Variants in SCHIP1 observed in about 807,000 individuals in gnomAD.
The protein encoded by SCHIP1 is schwannomin interacting protein 1.
A neutral mutation model predicts 29.7 loss-of-function variants in SCHIP1; 8 were observed. The observed-to-expected ratio is 0.27, with a 90% CI of 0.16 to 0.49. SCHIP1 has a LOEUF of 0.49. Ranked by LOEUF, SCHIP1 falls within the 20% of genes least tolerant of loss-of-function variation. The pLI is 0.99. For synonymous variants in SCHIP1, 76 were observed against 94.9 expected, an observed-to-expected ratio of 0.80 and a Z score of 1.16; for missense variants, 193 against 294.6, an observed-to-expected ratio of 0.66 and a Z score of 2.52.
the SCHIP1 span, among the ~76,000 whole-genome samples, chr3:159,450,382 T>C: frequency 6.6e-6 from 1 of 152,222 alleles, no homozygotes; most frequent in African/African-American, 2.4e-5. Flanking sequence ...GTTACATTGA[T>C]AGAAGACTTT....
chr3:159,309,020 G>A, the SCHIP1 span: 2 of 152,008 alleles, frequency 1.3e-5, no homozygotes, highest in African/African-American at 2.4e-5. Context: ...ATGAGAGGGT[G>A]GCAGGGGGGT....
chr3:159,782,896 A>C, the SCHIP1 span, among the ~76,000 whole-genome samples: 1 of 152,222 alleles, frequency 6.6e-6, no homozygotes, highest in Admixed American at 6.5e-5. Flanking sequence ...ACACACCCAG[A>C]GAGCTCTCCT....
chr3:159,361,511 T>C, the SCHIP1 span, among the ~76,000 whole-genome samples: 3 of 152,208 alleles, frequency 2.0e-5, no homozygotes, highest in African/African-American at 4.8e-5. Flanking sequence ...CAGTAGACCA[T>C]TGTAAAGAAT....
At chr3:159,780,020 G>A in the SCHIP1 span, among the ~76,000 whole-genome samples, 2 of 152,106 alleles carry the variant, frequency 1.3e-5, no homozygotes, top group Admixed American at 6.5e-5. Flanking sequence ...CCCTTCCTAA[G>A]AGCTCCCAGC....
At chr3:159,441,683 T>A in the SCHIP1 span, among the ~76,000 whole-genome samples, 3 of 151,892 alleles carry the variant, frequency 2.0e-5, no homozygotes, top group Non-Finnish European at 4.4e-5. Context: ...AATACAAAAA[T>A]CTGATGAGGA....
chr3:159,505,995 T>A, the SCHIP1 span, among the ~76,000 whole-genome samples: 1 of 152,234 alleles, frequency 6.6e-6, no homozygotes, highest in Non-Finnish European at 1.5e-5. Flanking sequence ...AGTAATGGGA[T>A]GGCTGGGTCA....
chr3:159,467,184 T>C, the SCHIP1 span, among the ~76,000 whole-genome samples: 1 of 152,046 alleles, frequency 6.6e-6, no homozygotes, highest in Non-Finnish European at 1.5e-5. Context: ...CATAAATATC[T>C]TTTCACACCA....
chr3:159,615,545 T>C, the SCHIP1 span, among the ~76,000 whole-genome samples: 16 of 152,156 alleles, frequency 1.1e-4, no homozygotes, highest in Non-Finnish European at 2.2e-4. Context: ...GGCACCTCCC[T>C]CCTCACCTTG....
the SCHIP1 span, among the ~76,000 whole-genome samples, chr3:159,473,088 G>A: frequency 1.3e-5 from 2 of 152,244 alleles, no homozygotes; most frequent in East Asian, 3.9e-4. Flanking sequence ...AAAAAGTACA[G>A]ACTGCCCAGA....
the SCHIP1 span, among the ~76,000 whole-genome samples, chr3:159,517,448 C>T: frequency 6.6e-6 from 1 of 151,932 alleles, no homozygotes; most frequent in Non-Finnish European, 1.5e-5. Flanking sequence ...ATATTTGGAT[C>T]ATGGATGAAA....
the SCHIP1 span, among the ~76,000 whole-genome samples, chr3:159,637,294 T>C: frequency 6.6e-6 from 1 of 151,960 alleles, no homozygotes. Flanking sequence ...CAAGACTTAC[T>C]GTGGGGAACA....
At chr3:159,369,255 TTTTA>T in the SCHIP1 span, among the ~76,000 whole-genome samples, 4 of 152,350 alleles carry the variant, frequency 2.6e-5, no homozygotes, top group East Asian at 7.7e-4. Context: ...CCAGCATCAC[TTTTA>T]TTTATTTTAA....
At chr3:159,434,665 T>C in the SCHIP1 span, among the ~76,000 whole-genome samples, 1 of 152,176 alleles carries the variant, frequency 6.6e-6, no homozygotes, top group African/African-American at 2.4e-5. Context: ...ATCTCTCCAG[T>C]AGATCTACTT....
chr3:159,519,243 A>G, the SCHIP1 span, among the ~76,000 whole-genome samples: 2 of 152,218 alleles, frequency 1.3e-5, no homozygotes. Flanking sequence ...AGAAGAAGCA[A>G]TTAAAGAAAG....
At chr3:159,558,259 T>C in the SCHIP1 span, among the ~76,000 whole-genome samples, 1 of 152,250 alleles carries the variant, frequency 6.6e-6, no homozygotes, top group Non-Finnish European at 1.5e-5. Flanking sequence ...TCAGGAACTT[T>C]GGCCTAAAGA....
At chr3:159,565,120 T>C in the SCHIP1 span, among the ~76,000 whole-genome samples, 3 of 152,284 alleles carry the variant, frequency 2.0e-5, no homozygotes, top group Admixed American at 6.5e-5. Context: ...CAGTCAATGT[T>C]GATGCCAAGC....
At chr3:159,463,374 T>A in the SCHIP1 span, among the ~76,000 whole-genome samples, 15 of 152,120 alleles carry the variant, frequency 9.9e-5, no homozygotes, top group Non-Finnish European at 1.9e-4. Flanking sequence ...CTATTTAATT[T>A]GAATTTATTT....
the SCHIP1 span, among the ~76,000 whole-genome samples, chr3:159,383,828 C>A: frequency 6.6e-6 from 1 of 151,220 alleles, no homozygotes; most frequent in African/African-American, 2.4e-5. Context: ...CTTCACATCC[C>A]TTGTAAGTTG....
At chr3:159,715,139 G>T in the SCHIP1 span, among the ~76,000 whole-genome samples, 1 of 152,224 alleles carries the variant, frequency 6.6e-6, no homozygotes, top group African/African-American at 2.4e-5. Context: ...ACAGGGTCTG[G>T]AGTGGACCTC....
Sources: gnomAD v4.1 joint callset for allele counts (sites outside exome capture counted in the v4.1 genomes callset) on GRCh38, gnomAD v4.1.1 for gene constraint, MANE v1.5 for transcripts, NCBI Gene and HGNC (gene_info 2026-07-23, HGNC 2026-07-21) for gene names.